The following CCDC102B variants were observed in gnomAD, a reference collection of about 807,000 sequenced individuals.
CCDC102B encodes coiled-coil domain-containing protein 102B.
Under a neutral mutation model 57.4 loss-of-function variants are expected in CCDC102B, and 75 were observed. That is an observed-to-expected ratio of 1.31 (90% confidence interval 1.08 to 1.58). The LOEUF is 1.58. Among genes scored for constraint, CCDC102B ranks in the 40% most tolerant of loss-of-function variants. The probability of loss-of-function intolerance (pLI) is 0.00; values close to 1 mark genes in which losing one functional copy is unlikely to be tolerated. For missense variants in CCDC102B, 636 were observed against 582.6 expected, an observed-to-expected ratio of 1.09 and a Z score of -0.94; for synonymous variants, 206 against 201.9, an observed-to-expected ratio of 1.02 and a Z score of -0.17.
At chr18:68,855,842 A>G (rs1169573873) in intron 4 of CCDC102B, among the ~76,000 whole-genome samples, 1 of 152,162 alleles carries the variant, frequency 6.6e-6, no homozygotes, top group Non-Finnish European at 1.5e-5. Flanking sequence ...TTATTTAAAA[A>G]TAAATTAAAT....
chr18:68,913,491 ACACAAATTAGC>A (rs1366858057), intron 6 of CCDC102B, among the ~76,000 whole-genome samples: 1 of 151,946 alleles, frequency 6.6e-6, no homozygotes, highest in Non-Finnish European at 1.5e-5. Context: ...TACTAAAAAC[ACACAAATTAGC>A]CAGGCATCAT....
chr18:68,906,703 A>T (rs1400265828), intron 6 of CCDC102B, among the ~76,000 whole-genome samples: 1 of 152,072 alleles, frequency 6.6e-6, no homozygotes, highest in Non-Finnish European at 1.5e-5. Context: ...TTTGTTGGAG[A>T]ATTGTAAGAA....
At chr18:68,830,506 A>G (rs12326237) in intron 1 of CCDC102B, among the ~76,000 whole-genome samples, 1,859 of 149,340 alleles carry the variant, frequency 0.012, 37 homozygotes, top group African/African-American at 0.045. Flanking sequence ...GGCTTTGTTC[A>G]CTAAAACCTT....
chr18:68,792,653 A>G (rs1026233018), intron 2 of CCDC102B, among the ~76,000 whole-genome samples: 32 of 152,308 alleles, frequency 2.1e-4, no homozygotes, highest in African/African-American at 7.5e-4. Context: ...TACAGGTTAC[A>G]TCTTTTTTAC....
chr18:68,737,854 C>T (rs184862184), intron 2 of CCDC102B, among the ~76,000 whole-genome samples: 24 of 152,100 alleles, frequency 1.6e-4, no homozygotes, highest in Middle Eastern at 3.4e-3. Context: ...CACATTGTTC[C>T]TCTTGGTGGA....
chr18:68,943,784 C>A (rs528032776), intron 6 of CCDC102B, among the ~76,000 whole-genome samples: 2 of 152,168 alleles, frequency 1.3e-5, no homozygotes, highest in East Asian at 1.9e-4. Flanking sequence ...TTCTCTAGGC[C>A]GGAGGAAGGG....
chr18:68,894,985 T>G (rs115297537), intron 5 of CCDC102B, among the ~76,000 whole-genome samples: 1 of 151,974 alleles, frequency 6.6e-6, no homozygotes, highest in Non-Finnish European at 1.5e-5. Context: ...TGACACAGCA[T>G]ATTTGTCCTT....
At chr18:68,822,537 T>C (rs1308271091) in intron 1 of CCDC102B, among the ~76,000 whole-genome samples, 1 of 152,220 alleles carries the variant, frequency 6.6e-6, no homozygotes, top group Non-Finnish European at 1.5e-5. Context: ...ACAACGCCTA[T>C]TTTTAGATAC....
intron 5 of CCDC102B, among the ~76,000 whole-genome samples, chr18:68,885,280 A>G (rs1019285312): frequency 6.6e-6 from 1 of 152,082 alleles, no homozygotes; most frequent in Non-Finnish European, 1.5e-5. Flanking sequence ...CTTAACATTA[A>G]TTTAGCAATT....
chr18:68,878,416 A>T (rs1212675852), intron 5 of CCDC102B, among the ~76,000 whole-genome samples: 4 of 152,222 alleles, frequency 2.6e-5, no homozygotes, highest in Non-Finnish European at 4.4e-5. Flanking sequence ...ACTACATTTG[A>T]TTCACTCAAA....
chr18:69,013,098 A>G (rs1295039049), intron 7 of CCDC102B, among the ~76,000 whole-genome samples: 1 of 152,212 alleles, frequency 6.6e-6, no homozygotes, highest in Non-Finnish European at 1.5e-5. Flanking sequence ...TATTCACAAT[A>G]GCAGCCATAT....
intron 2 of CCDC102B, among the ~76,000 whole-genome samples, chr18:68,758,074 T>C (rs1410299387): frequency 6.6e-6 from 1 of 152,096 alleles, no homozygotes; most frequent in African/African-American, 2.4e-5. Context: ...TCTATTTCTC[T>C]TAGAGCCCAG....
intron 2 of CCDC102B, among the ~76,000 whole-genome samples, chr18:68,772,798 A>G (rs1022591274): frequency 6.6e-5 from 10 of 152,140 alleles, no homozygotes; most frequent in African/African-American, 2.4e-4. Flanking sequence ...AATTAAAAGA[A>G]TGGCTTTAGT....
intron 7 of CCDC102B, among the ~76,000 whole-genome samples, chr18:69,021,784 C>T (rs1251871339): frequency 6.6e-6 from 1 of 152,184 alleles, no homozygotes; most frequent in Admixed American, 6.5e-5. Context: ...CCAGCTCTGT[C>T]GTGCTGCCCA....
At chr18:69,043,315 G>A (rs868120390) in intron 7 of CCDC102B, among the ~76,000 whole-genome samples, 8 of 152,038 alleles carry the variant, frequency 5.3e-5, no homozygotes, top group African/African-American at 1.9e-4. Context: ...GCCCAGGGAC[G>A]GGCAGGAGAC....
chr18:68,944,090 T>G (rs909954730), intron 6 of CCDC102B, among the ~76,000 whole-genome samples: 10 of 152,136 alleles, frequency 6.6e-5, no homozygotes, highest in Admixed American at 6.6e-4. Flanking sequence ...ATCAGTTAAT[T>G]GGGCTCCTTT....
intron 1 of CCDC102B, among the ~76,000 whole-genome samples, chr18:68,808,692 A>G (rs1311083595): frequency 1.3e-5 from 2 of 151,898 alleles, no homozygotes; most frequent in African/African-American, 2.4e-5. Flanking sequence ...ATTAGCCAGG[A>G]TGGTCTCGAT....
intron 6 of CCDC102B, among the ~76,000 whole-genome samples, chr18:68,942,932 T>TGTG (rs1568343863): frequency 6.9e-5 from 6 of 87,108 alleles, no homozygotes; most frequent in Admixed American, 3.6e-4. Flanking sequence ...CAGAGGTCCC[T>TGTG]GCGGCCTTCC....
intron 1 of CCDC102B, among the ~76,000 whole-genome samples, chr18:68,813,925 T>A (rs2036375413): frequency 6.6e-6 from 1 of 151,934 alleles, no homozygotes; most frequent in Non-Finnish European, 1.5e-5. Flanking sequence ...AAATAAAAAT[T>A]TTTATAAGTT....
Sources: gnomAD v4.1 joint callset for allele counts (sites outside exome capture counted in the v4.1 genomes callset) on GRCh38, gnomAD v4.1.1 for gene constraint, MANE v1.5 for transcripts, NCBI Gene and HGNC (gene_info 2026-07-23, HGNC 2026-07-21) for gene names.